The following ANKRD7 variants were observed in gnomAD, a reference collection of about 807,000 sequenced individuals.
ANKRD7 encodes ankyrin repeat domain 7, also known as ankyrin repeat domain-containing protein 7.
ANKRD7 carries 30 observed loss-of-function variants against 30.8 expected under a neutral mutation model. That is an observed-to-expected ratio of 0.97 (90% confidence interval 0.73 to 1.32). The LOEUF is 1.32. ANKRD7 is among the 40% of genes most tolerant of loss of function. ANKRD7 has a pLI of 0.00. For synonymous variants in ANKRD7, 97 were observed against 106.6 expected, an observed-to-expected ratio of 0.91 and a Z score of 0.55; for missense variants, 264 against 295.7, an observed-to-expected ratio of 0.89 and a Z score of 0.79.
chr7:118,229,748 A>C (rs915467819), intron 1 of ANKRD7, among the ~76,000 whole-genome samples: 1 of 152,104 alleles, frequency 6.6e-6, no homozygotes, highest in Non-Finnish European at 1.5e-5. Context: ...CTACAGTCCA[A>C]TATTCCTATG....
rs1406374834 is a variant in ANKRD7, at chr7:118,238,525, G to A, written c.713-1384G>A. On this transcript the variant is annotated intron_variant, in intron 5 of 6. Coordinates refer to ENST00000265224, the MANE Select transcript of ANKRD7 (RefSeq NM_019644.4). ...CTCAAGTAGCTGTTGCCTATGTAAC[G>A]TACTTAAGAATGTGCTGCTTCATAA... Among the ~76,000 whole-genome samples the A allele has an allele frequency of 3.9e-5, 6 of 152,102 alleles. No homozygotes were observed. The East Asian group carries it at 5.8e-4, about 15-fold the overall frequency.
At chr7:118,230,667 G>C (rs1584722666) in intron 1 of ANKRD7, among the ~76,000 whole-genome samples, 1 of 151,458 alleles carries the variant, frequency 6.6e-6, no homozygotes, top group Non-Finnish European at 1.5e-5. Flanking sequence ...GAGAGAGAGA[G>C]AGATACTGAA....
intron 3 of ANKRD7, among the ~76,000 whole-genome samples, chr7:118,235,313 T>C (rs1195301638): frequency 6.6e-6 from 1 of 152,170 alleles, no homozygotes; most frequent in Non-Finnish European, 1.5e-5. Flanking sequence ...CCGATGAATT[T>C]TTTTAAAAAG....
intron 1 of ANKRD7, among the ~76,000 whole-genome samples, chr7:118,228,446 G>T (rs1008464236): frequency 6.6e-6 from 1 of 151,900 alleles, no homozygotes. Context: ...GATTCATACA[G>T]TTTATAAATT....
chr7:118,231,537 C>CT (rs1390620685), intron 1 of ANKRD7, among the ~76,000 whole-genome samples: 6 of 152,032 alleles, frequency 3.9e-5, no homozygotes, highest in Admixed American at 1.3e-4. Flanking sequence ...ACCCTGAACT[C>CT]TAAGTTATCA....
chr7:118,239,861 A>T (rs143223202), intron 5 of ANKRD7, 48 bp from the exon 6 acceptor site: 1 of 1,287,274 alleles, frequency 7.8e-7, no homozygotes, highest in South Asian at 1.3e-5. Flanking sequence ...ATATGTTAGG[A>T]ATTAAATTTC....
intron 5 of ANKRD7, among the ~76,000 whole-genome samples, chr7:118,238,573 T>C (rs969433742): frequency 1.3e-5 from 2 of 152,212 alleles, no homozygotes; most frequent in African/African-American, 4.8e-5. Flanking sequence ...GCTCTCTATG[T>C]AGATTCTATG....
chr7:118,226,844 T>C (rs1309993264), intron 1 of ANKRD7, among the ~76,000 whole-genome samples: 3 of 152,212 alleles, frequency 2.0e-5, no homozygotes, highest in African/African-American at 4.8e-5. Flanking sequence ...TATATAGCTA[T>C]TGAAAAAAAT....
intron 1 of ANKRD7, among the ~76,000 whole-genome samples, chr7:118,233,802 C>T (rs1809680516): frequency 6.6e-6 from 1 of 152,024 alleles, no homozygotes; most frequent in Non-Finnish European, 1.5e-5. Context: ...CTAAAAACTG[C>T]AAAATTTAAA....
intron 1 of ANKRD7, among the ~76,000 whole-genome samples, chr7:118,229,563 T>G (rs1209594315): frequency 6.6e-6 from 1 of 152,196 alleles, no homozygotes; most frequent in South Asian, 2.1e-4. Context: ...ATGGGAGAAC[T>G]TAAGGATACT....
chr7:118,234,313 A>G (rs1445346176), intron 1 of ANKRD7, 118 bp from the exon 2 acceptor site: 4 of 499,130 alleles, frequency 8.0e-6, no homozygotes, highest in Non-Finnish European at 1.4e-5. Context: ...TTTAAATAGA[A>G]ATATGTGCAT....
chr7:118,241,948 T>C (rs560555557), intron 6 of ANKRD7, among the ~76,000 whole-genome samples: 1 of 152,286 alleles, frequency 6.6e-6, no homozygotes, highest in South Asian at 2.1e-4. Flanking sequence ...TGATTTACAC[T>C]TCGTTTCTTA....
At position 118,234,767 on chromosome 7, in the gene ANKRD7, AG is replaced by A. The variant is rs778717291; in HGVS notation, c.364del (p.Asp122IlefsTer19). Reference sequence around the variant, plus strand: ...AAACTTTGGTGCAGACCCAGATCTGAGGGATATTCGTTATAATACTGTTCTT... The same window carrying A: ...AAACTTTGGTGCAGACCCAGATCTGAGGATATTCGTTATAATACTGTTCTT... ...LLNFGADPDL[R>X]DIRYNTVLHY... is the part of the protein sequence containing the mutation. On this transcript the variant is annotated frameshift_variant, in exon 3 of 7. Coordinates refer to ENST00000265224, the MANE Select transcript of ANKRD7 (RefSeq NM_019644.4). LOFTEE classifies it high-confidence loss of function. 6.2e-7 allele frequency: 1 copy of A among 1,613,138 alleles called. No individual in the cohort carries two copies. The highest frequency in any genetic ancestry group is 1.7e-5 in the Admixed American group (1 of 59,826).
intron 6 of ANKRD7, among the ~76,000 whole-genome samples, chr7:118,241,521 CTTTTTTTTTTTT>C (rs3061682): frequency 1.9e-4 from 16 of 84,542 alleles, no homozygotes; most frequent in African/African-American, 2.7e-4. Context: ...TCTGAATTAC[CTTTTTTTTTTTT>C]TTTTTTTTTT....
intron 1 of ANKRD7, among the ~76,000 whole-genome samples, chr7:118,231,875 T>G (rs1312804444): frequency 3.3e-5 from 5 of 152,110 alleles, no homozygotes; most frequent in African/African-American, 1.2e-4. Flanking sequence ...AAACCAGTAC[T>G]AAGCTTCACA....
chr7:118,236,800 A>G lies in ANKRD7; in HGVS notation c.586A>G (p.Ile196Val). 1 of 1,613,724 alleles carries G rather than the reference A, an allele frequency of 6.2e-7. No homozygotes were observed. The highest frequency in any genetic ancestry group is 1.1e-5 in the South Asian group (1 of 90,978). The change falls in exon 5 of 7, where the codon ATT becomes GTT. Residue 196 changes from isoleucine (I) to valine (V), a missense_variant. Coordinates refer to ENST00000265224, the MANE Select transcript of ANKRD7 (RefSeq NM_019644.4). ...TATCTCTTGCTCCAGAACAGCCCTT[A>G]TTCTTGCTGTCAGTGGTGAACCACC... is the stretch of plus-strand genomic sequence containing the variant. ...ASDNYQRTAL[I>V]LAVSGEPPCL...
chr7:118,229,144 G>T, intron 1 of ANKRD7, among the ~76,000 whole-genome samples: 1 of 151,996 alleles, frequency 6.6e-6, no homozygotes, highest in Admixed American at 6.6e-5. Flanking sequence ...ATGCATTTAG[G>T]GTTTTTGGAC....
At chr7:118,236,434 C>T (rs1809731705) in intron 4 of ANKRD7, among the ~76,000 whole-genome samples, 1 of 152,084 alleles carries the variant, frequency 6.6e-6, no homozygotes, top group Admixed American at 6.5e-5. Flanking sequence ...TAACATTAGA[C>T]TCTTACATAG....
chr7:118,234,193 C>T (rs1243671647), intron 1 of ANKRD7, among the ~76,000 whole-genome samples: 1 of 152,136 alleles, frequency 6.6e-6, no homozygotes, highest in Non-Finnish European at 1.5e-5. Flanking sequence ...ATTTTCATCT[C>T]ATTATAGTTA....
Sources: gnomAD v4.1 joint callset for allele counts (sites outside exome capture counted in the v4.1 genomes callset) on GRCh38, gnomAD v4.1.1 for gene constraint, MANE v1.5 for transcripts, NCBI Gene and HGNC (gene_info 2026-07-23, HGNC 2026-07-21) for gene names.